Variants in DCC observed in about 807,000 individuals in gnomAD.
The protein encoded by DCC is netrin receptor DCC.
In DCC, 58 loss-of-function variants were observed where a neutral mutation model predicts 172.5. That is an observed-to-expected ratio of 0.34 (90% CI 0.27 to 0.42). DCC has a LOEUF of 0.42. Among genes scored for constraint, DCC ranks in the 10% least tolerant of loss-of-function variants. DCC has a pLI of 1.00. For synonymous variants in DCC, 709 were observed against 644.5 expected (o/e 1.10, Z -1.52); for missense variants, 1,740 against 1,791.0 (o/e 0.97, Z 0.51).
intron 1 of DCC, among the ~76,000 whole-genome samples, chr18:52,472,248 C>A (rs1322840220): frequency 1.3e-5 from 2 of 152,172 alleles, no homozygotes; most frequent in Non-Finnish European, 2.9e-5. Flanking sequence ...CTCTCCCCTT[C>A]CCCTTACGGT....
At chr18:53,367,847 C>A (rs2058022766) in intron 15 of DCC, among the ~76,000 whole-genome samples, 1 of 152,154 alleles carries the variant, frequency 6.6e-6, no homozygotes, top group African/African-American at 2.4e-5. Context: ...AAGCATGCAA[C>A]AATGCCCTCA....
chr18:52,357,971 C>T (rs1984451523), intron 1 of DCC, among the ~76,000 whole-genome samples: 1 of 151,244 alleles, frequency 6.6e-6, no homozygotes, highest in Non-Finnish European at 1.5e-5. Context: ...ACAAACACTA[C>T]CTCAGCCAGG....
intron 2 of DCC, among the ~76,000 whole-genome samples, chr18:52,799,268 T>C (rs74515959): frequency 0.025 from 3,848 of 152,330 alleles, 70 homozygotes; most frequent in Middle Eastern, 0.078. Flanking sequence ...TTGTCCTGCA[T>C]TGAACTGCTT....
At chr18:52,995,274 C>T (rs1372896313) in intron 5 of DCC, among the ~76,000 whole-genome samples, 1 of 152,060 alleles carries the variant, frequency 6.6e-6, no homozygotes, top group African/African-American at 2.4e-5. Flanking sequence ...TGGCACGTGT[C>T]AGGCTTCTTC....
chr18:52,503,906 C>A (rs1301924553), intron 1 of DCC, among the ~76,000 whole-genome samples: 11 of 152,154 alleles, frequency 7.2e-5, no homozygotes. Context: ...GGTGACTCTA[C>A]TGCACCCTTC....
chr18:52,868,905 G>A (rs995794123), intron 2 of DCC, among the ~76,000 whole-genome samples: 8 of 152,190 alleles, frequency 5.3e-5, no homozygotes, highest in African/African-American at 1.2e-4. Flanking sequence ...CATGGGCACC[G>A]GTACTCTGCA....
chr18:52,768,280 T>A (rs1321449201), intron 2 of DCC, among the ~76,000 whole-genome samples: 2 of 152,202 alleles, frequency 1.3e-5, no homozygotes, highest in East Asian at 3.9e-4. Context: ...ATTACGAGTT[T>A]ATCCATTTCT....
At chr18:53,311,067 T>G (rs1428785210) in intron 13 of DCC, among the ~76,000 whole-genome samples, 1 of 150,726 alleles carries the variant, frequency 6.6e-6, no homozygotes, top group Admixed American at 6.7e-5. Flanking sequence ...AAACACAGAA[T>G]TCGTCTCATC....
intron 5 of DCC, among the ~76,000 whole-genome samples, chr18:53,042,678 C>CATTT (rs748622788): frequency 5.3e-5 from 8 of 151,930 alleles, no homozygotes; most frequent in African/African-American, 1.9e-4. Context: ...CAAAAGAAGA[C>CATTT]ATTTATGCAG....
chr18:53,269,320 G>T (rs1283056802), intron 12 of DCC, among the ~76,000 whole-genome samples: 1 of 151,970 alleles, frequency 6.6e-6, no homozygotes, highest in African/African-American at 2.4e-5. Context: ...TCTTGCATTT[G>T]CCAAATCAAA....
chr18:52,786,505 A>C lies in DCC; in HGVS notation c.412+34131A>C, dbSNP rs2037663303. On this transcript the variant is annotated intron_variant, in intron 2 of 28. Transcript: ENST00000442544. ...TAGGACCATGTTGTTTGTAGAAAAAACTTTAACCTTATACTTGGCCTGATT... is the reference window on the plus strand; with the variant it reads ...TAGGACCATGTTGTTTGTAGAAAAACCTTTAACCTTATACTTGGCCTGATT... 9.9e-5 allele frequency among the ~76,000 whole-genome samples: 15 copies of C among 152,076 alleles called. 1 individual carries two copies. The South Asian group carries it at 3.1e-3, about 31-fold the overall frequency.
chr18:52,885,145 G>A (rs113451075), intron 2 of DCC, among the ~76,000 whole-genome samples: 2,993 of 152,126 alleles, frequency 0.02, 42 homozygotes, highest in Non-Finnish European at 0.029. Flanking sequence ...ATGGCCTGCT[G>A]TAACCACTAC....
intron 23 of DCC, among the ~76,000 whole-genome samples, chr18:53,452,483 A>G (rs1568141259): frequency 1.3e-5 from 2 of 152,310 alleles, no homozygotes; most frequent in East Asian, 3.9e-4. Context: ...CAGAGAGAAC[A>G]CCAGTCTTCT....
intron 1 of DCC, among the ~76,000 whole-genome samples, chr18:52,736,551 A>G (rs2036733353): frequency 6.6e-6 from 1 of 152,264 alleles, no homozygotes; most frequent in African/African-American, 2.4e-5. Context: ...GCAGAGAAAA[A>G]AAGTTGAAAG....
chr18:52,858,834 G>A (rs918264411), intron 2 of DCC, among the ~76,000 whole-genome samples: 1 of 152,126 alleles, frequency 6.6e-6, no homozygotes, highest in Non-Finnish European at 1.5e-5. Flanking sequence ...CCCTGGAATG[G>A]GGCAGCAATG....
chr18:53,328,056 AT>A (rs1465645970), intron 14 of DCC, among the ~76,000 whole-genome samples: 7 of 152,150 alleles, frequency 4.6e-5, no homozygotes, highest in Non-Finnish European at 1.0e-4. Context: ...GCAAAAACTG[AT>A]TTTTAAAAGC....
intron 14 of DCC, among the ~76,000 whole-genome samples, 176 bp from the exon 15 acceptor site, chr18:53,339,537 A>G (rs1207350973): frequency 6.6e-6 from 1 of 152,202 alleles, no homozygotes; most frequent in Admixed American, 6.5e-5. Flanking sequence ...AAATTTTGTG[A>G]AAGTCAAATC....
chr18:53,431,920 G>A lies in DCC; in HGVS notation c.3164-3224G>A, dbSNP rs990855778. Among the ~76,000 whole-genome samples the A allele has an allele frequency of 1.7e-4, 26 of 151,958 alleles. 1 individual carries two copies. Among genetic ancestry groups the A allele is most frequent in the South Asian group, 1.2e-3 (6 of 4,830 alleles). On this transcript the variant is annotated intron_variant, in intron 21 of 28. Transcript: ENST00000442544. ...AGGGAAGAAAACTGAAATTTATTACGTGATTTCCCCCAAATTTATATTTGA... is the reference window on the plus strand; with the variant it reads ...AGGGAAGAAAACTGAAATTTATTACATGATTTCCCCCAAATTTATATTTGA...
chr18:52,539,915 C>G (rs2032391652), intron 1 of DCC, among the ~76,000 whole-genome samples: 1 of 152,082 alleles, frequency 6.6e-6, no homozygotes, highest in Admixed American at 6.6e-5. Flanking sequence ...AAAAAACCCA[C>G]AAAATTTAGG....
Sources: gnomAD v4.1 joint callset for allele counts (sites outside exome capture counted in the v4.1 genomes callset) on GRCh38, gnomAD v4.1.1 for gene constraint, MANE v1.5 for transcripts, NCBI Gene and HGNC (gene_info 2026-07-23, HGNC 2026-07-21) for gene names.